Variants in GRIN2B observed in about 807,000 individuals in gnomAD.
GRIN2B encodes the protein glutamate receptor ionotropic, NMDA 2B.
Under a neutral mutation model 114.5 loss-of-function variants are expected in GRIN2B, and 5 were observed. The ratio of observed to expected loss-of-function variants is 0.04; its 90% CI spans 0.02 to 0.09. The LOEUF (loss-of-function observed/expected upper bound fraction) is 0.09. Among genes scored for constraint, GRIN2B ranks in the 10% least tolerant of loss-of-function variants. The pLI is 1.00. For synonymous variants in GRIN2B, 787 were observed against 745.1 expected (o/e 1.06, Z -0.92); for missense variants, 1,108 against 1,943.5 (o/e 0.57, Z 8.08).
chr12:13,590,049 C>T (rs1948985322), intron 10 of GRIN2B, among the ~76,000 whole-genome samples: 1 of 152,014 alleles, frequency 6.6e-6, no homozygotes. Context: ...TATAAATTAT[C>T]TGGCTGCATC....
At chr12:13,672,888 G>A (rs1408954116) in intron 5 of GRIN2B, among the ~76,000 whole-genome samples, 1 of 152,092 alleles carries the variant, frequency 6.6e-6, no homozygotes, top group Non-Finnish European at 1.5e-5. Context: ...CGTATCAAGG[G>A]CAACAACATA....
intron 2 of GRIN2B, among the ~76,000 whole-genome samples, chr12:13,896,100 A>C (rs1235966214): frequency 6.6e-6 from 1 of 152,234 alleles, no homozygotes; most frequent in Non-Finnish European, 1.5e-5. Flanking sequence ...AATAGAAAAT[A>C]AAGTACACAA....
intron 4 of GRIN2B, among the ~76,000 whole-genome samples, chr12:13,696,281 T>C (rs1005675722): frequency 1.3e-5 from 2 of 152,172 alleles, no homozygotes; most frequent in Non-Finnish European, 2.9e-5. Context: ...CTTTTATATA[T>C]GTAACAAAAG....
intron 3 of GRIN2B, among the ~76,000 whole-genome samples, chr12:13,757,739 G>A (rs1863603530): frequency 1.3e-5 from 2 of 152,112 alleles, no homozygotes. Context: ...CACAGGGAAG[G>A]TAGAATTGTA....
intron 4 of GRIN2B, among the ~76,000 whole-genome samples, chr12:13,706,844 C>T (rs1950363918): frequency 6.6e-6 from 1 of 152,066 alleles, no homozygotes; most frequent in Non-Finnish European, 1.5e-5. Context: ...TCTTCCCAGG[C>T]CCAGAGAGCT....
At position 13,557,543 on chromosome 12, in the gene GRIN2B, A is replaced by G. The variant is rs1243497206; in HGVS notation, c.*5240T>C. 1.3e-5 allele frequency: 2 copies of G among 152,206 alleles called. No individual in the cohort carries two copies. Among genetic ancestry groups the G allele is most frequent in the Admixed American group, 6.5e-5 (1 of 15,280 alleles). The allele number at this position is 152,206 out of a possible 1,614,324, so 9.4% of individuals were successfully genotyped here. On this transcript the variant is annotated 3_prime_UTR_variant, in exon 14 of 14. Transcript: ENST00000609686. ...GAGAAGCATCACTCTTCTATTTTCTATGGAAAGAATCATAGTTCTCAACCT... is the reference window on the plus strand; with the variant it reads ...GAGAAGCATCACTCTTCTATTTTCTGTGGAAAGAATCATAGTTCTCAACCT...
At chr12:13,625,780 CA>C (rs1347912460) in intron 5 of GRIN2B, among the ~76,000 whole-genome samples, 1 of 152,114 alleles carries the variant, frequency 6.6e-6, no homozygotes, top group Admixed American at 6.5e-5. Flanking sequence ...ACAGAAATCA[CA>C]GGAATAAAAA....
At chr12:13,686,386 A>T (rs1950174475) in intron 4 of GRIN2B, among the ~76,000 whole-genome samples, 1 of 152,068 alleles carries the variant, frequency 6.6e-6, no homozygotes, top group African/African-American at 2.4e-5. Flanking sequence ...TTCACTGGGA[A>T]GCTGAAAGAA....
rs958537623 is a variant in GRIN2B at position 13,894,384 on chromosome 12, A to T, written c.-18-28158T>A. 3.9e-5 allele frequency among the ~76,000 whole-genome samples: 6 copies of T among 152,274 alleles called. No individual in the cohort carries two copies. The South Asian group carries it at 1.2e-3, about 32-fold the overall frequency. ...AAATTGTGCTATAGCTTTATGACAG[A>T]ATGCTAAGTAGCCTAAAAAAATTAT... On this transcript the variant is annotated intron_variant, in intron 2 of 13. Coordinates refer to ENST00000609686, the MANE Select transcript of GRIN2B (RefSeq NM_000834.5).
chr12:13,666,495 C>A (rs1949977131), intron 5 of GRIN2B, among the ~76,000 whole-genome samples: 1 of 152,116 alleles, frequency 6.6e-6, no homozygotes. Flanking sequence ...TAAAATCACC[C>A]TGAATAATCT....
chr12:13,558,451 G>C lies in GRIN2B; in HGVS notation c.*4332C>G, dbSNP rs565840166. ...TCTGGTTATTCTATCTGTAAATCTT[G>C]AACTAACTAACTAAAAACCGACCAA... On this transcript the variant is annotated 3_prime_UTR_variant, in exon 14 of 14. Transcript: ENST00000609686. 91 of 143,482 alleles carry C rather than the reference G, an allele frequency of 6.3e-4. No individual in the cohort carries two copies. The highest frequency in any genetic ancestry group is 2.3e-3 in the African/African-American group (89 of 38,706). The allele number at this position is 143,482 out of a possible 1,614,324, so 8.9% of individuals were successfully genotyped here.
intron 2 of GRIN2B, among the ~76,000 whole-genome samples, chr12:13,880,461 A>G (rs1866054853): frequency 2.0e-5 from 3 of 152,154 alleles, no homozygotes; most frequent in Admixed American, 2.0e-4. Context: ...AGGAAGAGGA[A>G]CAGATCTCCC....
chr12:13,706,804 A>G (rs1480549230), intron 4 of GRIN2B, among the ~76,000 whole-genome samples: 4 of 152,138 alleles, frequency 2.6e-5, no homozygotes, highest in African/African-American at 9.7e-5. Flanking sequence ...TCGGAGCAGG[A>G]GACATTTTGG....
intron 2 of GRIN2B, among the ~76,000 whole-genome samples, chr12:13,969,537 A>G (rs1867842842): frequency 6.6e-6 from 1 of 152,190 alleles, no homozygotes; most frequent in South Asian, 2.1e-4. Context: ...CTAGAATATA[A>G]TTTTCCATAG....
intron 2 of GRIN2B, among the ~76,000 whole-genome samples, chr12:13,898,012 A>AT (rs1456888609): frequency 6.6e-6 from 1 of 150,406 alleles, no homozygotes; most frequent in African/African-American, 2.4e-5. Context: ...AAATAAATAA[A>AT]TAAATAAATA....
intron 2 of GRIN2B, among the ~76,000 whole-genome samples, chr12:13,899,739 T>C (rs1371361027): frequency 6.9e-6 from 1 of 144,372 alleles, no homozygotes; most frequent in African/African-American, 2.4e-5. Flanking sequence ...GAAACTTTTC[T>C]TATTTTGTCT....
chr12:13,939,649 G>A (rs1311460288), intron 2 of GRIN2B, among the ~76,000 whole-genome samples: 2 of 144,684 alleles, frequency 1.4e-5, no homozygotes, highest in Non-Finnish European at 1.5e-5. Context: ...CTTCCTCCTA[G>A]GCTCAAGTAA....
intron 3 of GRIN2B, among the ~76,000 whole-genome samples, chr12:13,839,203 G>C (rs1865335501): frequency 6.6e-6 from 1 of 152,204 alleles, no homozygotes; most frequent in Non-Finnish European, 1.5e-5. Flanking sequence ...ACAGTAGCCT[G>C]GCAGGCTGAT....
intron 2 of GRIN2B, among the ~76,000 whole-genome samples, chr12:13,938,312 T>C (rs1479809226): frequency 6.6e-6 from 1 of 152,052 alleles, no homozygotes; most frequent in Non-Finnish European, 1.5e-5. Flanking sequence ...CCCAACTATA[T>C]GTTATTTATA....
Sources: gnomAD v4.1 joint callset for allele counts (sites outside exome capture counted in the v4.1 genomes callset) on GRCh38, gnomAD v4.1.1 for gene constraint, MANE v1.5 for transcripts, NCBI Gene and HGNC (gene_info 2026-07-23, HGNC 2026-07-21) for gene names.